SCAPER: variants seen among roughly 807,000 people sequenced by gnomAD.
The protein encoded by SCAPER is S phase cyclin A-associated protein in the endoplasmic reticulum.
A neutral mutation model predicts 182.2 loss-of-function variants in SCAPER; 98 were observed. The ratio of observed to expected loss-of-function variants is 0.54; its 90% confidence interval spans 0.46 to 0.64. The LOEUF (loss-of-function observed/expected upper bound fraction) is 0.64, where lower values mean the gene tolerates loss of function less well. Ranked by LOEUF, SCAPER falls within the 30% of genes least tolerant of loss-of-function variation. SCAPER has a pLI of 0.00. For synonymous variants in SCAPER, 605 were observed against 564.6 expected, an observed-to-expected ratio of 1.07 and a Z score of -1.01; for missense variants, 1,432 against 1,690.0, an observed-to-expected ratio of 0.85 and a Z score of 2.68.
chr15:76,677,135 A>C (rs1385551310), intron 20 of SCAPER, among the ~76,000 whole-genome samples: 1 of 152,158 alleles, frequency 6.6e-6, no homozygotes, highest in African/African-American at 2.4e-5. Context: ...CAAAATGTGA[A>C]TCACAATAAA....
At chr15:76,732,896 C>A (rs1221904182) in intron 16 of SCAPER, among the ~76,000 whole-genome samples, 1 of 152,210 alleles carries the variant, frequency 6.6e-6, no homozygotes. Flanking sequence ...TCTGCCTCAG[C>A]TGCCAGGCAG....
At chr15:76,732,535 C>T (rs962314233) in intron 16 of SCAPER, among the ~76,000 whole-genome samples, 7 of 151,192 alleles carry the variant, frequency 4.6e-5, no homozygotes, top group South Asian at 2.1e-4. Context: ...CTAGTGGTAA[C>T]GCCAGCGTCT....
chr15:76,428,462 TTGGAGGTTTGTTACAACATGGATGGACC>T, intron 26 of SCAPER, among the ~76,000 whole-genome samples: 1 of 152,272 alleles, frequency 6.6e-6, no homozygotes, highest in Non-Finnish European at 1.5e-5. Flanking sequence ...ATGGATGGAC[TTGGAGGTTTGTTACAACATGGATGGACC>T]TGGAGGTTTT....
At chr15:76,351,154 A>G in intron 31 of SCAPER, 83 bp downstream of exon 31, 1 of 1,189,400 alleles carries the variant, frequency 8.4e-7, no homozygotes, top group Non-Finnish European at 1.2e-6. Context: ...TTTACATATA[A>G]TGTAGCAGTT....
rs976681610 is a variant in SCAPER, at chr15:76,347,951, T to C, written c.*682A>G. On this transcript the variant is annotated 3_prime_UTR_variant, in exon 32 of 32. Coordinates refer to ENST00000563290, the MANE Select transcript of SCAPER (RefSeq NM_020843.4). Reference sequence around the variant, plus strand: ...TCAGCGTTGCTTCATTTCACAACCATGTGAGAAAATACTCTAGGGTGATTC... The same window carrying C: ...TCAGCGTTGCTTCATTTCACAACCACGTGAGAAAATACTCTAGGGTGATTC... 1 of 152,232 alleles carries C rather than the reference T, an allele frequency of 6.6e-6. No homozygotes were observed. Among genetic ancestry groups the C allele is most frequent in the Non-Finnish European group, 1.5e-5 (1 of 68,036 alleles). The allele number at this position is 152,232 out of a possible 1,614,324, so 9.4% of individuals were successfully genotyped here. A position where few individuals can be genotyped will look rare whatever the true frequency, so the allele number is the denominator to read the frequency against.
chr15:76,622,204 C>G (rs1236469272), intron 21 of SCAPER, among the ~76,000 whole-genome samples: 1 of 152,128 alleles, frequency 6.6e-6, no homozygotes, highest in African/African-American at 2.4e-5. Flanking sequence ...AGGTGACAGT[C>G]ATCAAGCTAG....
At chr15:76,533,106 C>G (rs542998046) in intron 23 of SCAPER, among the ~76,000 whole-genome samples, 5 of 152,070 alleles carry the variant, frequency 3.3e-5, no homozygotes, top group Non-Finnish European at 5.9e-5. Flanking sequence ...AAACAGTAAA[C>G]TGGGAAAAGA....
chr15:76,434,546 G>A (rs2047070100), intron 25 of SCAPER, among the ~76,000 whole-genome samples: 1 of 152,150 alleles, frequency 6.6e-6, no homozygotes, highest in Non-Finnish European at 1.5e-5. Flanking sequence ...CAAGGATAAT[G>A]AGAGTACCTG....
At chr15:76,493,983 A>C (rs2040253238) in intron 24 of SCAPER, among the ~76,000 whole-genome samples, 2 of 152,202 alleles carry the variant, frequency 1.3e-5, no homozygotes, top group African/African-American at 4.8e-5. Flanking sequence ...GTAAACTTTT[A>C]TCTAAAAATA....
chr15:76,820,032 CA>C (rs1488546173), intron 5 of SCAPER, among the ~76,000 whole-genome samples: 2 of 152,162 alleles, frequency 1.3e-5, no homozygotes, highest in African/African-American at 4.8e-5. Context: ...ATCAAAACCA[CA>C]ATGAGATACC....
intron 20 of SCAPER, among the ~76,000 whole-genome samples, chr15:76,698,628 C>A (rs2058773463): frequency 6.6e-6 from 1 of 152,110 alleles, no homozygotes; most frequent in Admixed American, 6.6e-5. Flanking sequence ...CAGACAGTAC[C>A]AGTCTTAGTG....
At chr15:76,838,869 C>A (rs2069186494) in intron 5 of SCAPER, among the ~76,000 whole-genome samples, 1 of 152,168 alleles carries the variant, frequency 6.6e-6, no homozygotes. Context: ...ACAAATTTCA[C>A]AACCAACTCT....
intron 20 of SCAPER, among the ~76,000 whole-genome samples, chr15:76,684,594 G>A (rs2057919965): frequency 6.6e-6 from 1 of 151,318 alleles, no homozygotes; most frequent in South Asian, 2.1e-4. Flanking sequence ...ACTAAGAAAG[G>A]GCTATAACTA....
intron 25 of SCAPER, among the ~76,000 whole-genome samples, chr15:76,452,450 C>T (rs1390626079): frequency 6.6e-6 from 1 of 152,218 alleles, no homozygotes; most frequent in African/African-American, 2.4e-5. Flanking sequence ...AAAGTATACA[C>T]TGAATAGCTG....
intron 24 of SCAPER, among the ~76,000 whole-genome samples, chr15:76,486,182 G>A (rs554009295): frequency 6.6e-6 from 1 of 152,166 alleles, no homozygotes; most frequent in South Asian, 2.1e-4. Flanking sequence ...ACTCCAGCCT[G>A]GGCGACAGAG....
At chr15:76,757,580 G>A (rs973016813) in intron 14 of SCAPER, among the ~76,000 whole-genome samples, 1 of 151,988 alleles carries the variant, frequency 6.6e-6, no homozygotes, top group Non-Finnish European at 1.5e-5. Flanking sequence ...GGGTGCACAG[G>A]TATCTCTTTT....
intron 26 of SCAPER, among the ~76,000 whole-genome samples, chr15:76,418,548 G>A (rs747897956): frequency 1.3e-5 from 2 of 152,230 alleles, no homozygotes; most frequent in Non-Finnish European, 2.9e-5. Context: ...AGACCCACTG[G>A]TAGACTATGT....
chr15:76,439,131 G>A (rs1470280954), intron 25 of SCAPER, among the ~76,000 whole-genome samples: 2 of 151,822 alleles, frequency 1.3e-5, no homozygotes, highest in African/African-American at 4.8e-5. Context: ...TGTCACCCAG[G>A]CTAGTGTGCA....
At chr15:76,485,439 C>T (rs2051537111) in intron 24 of SCAPER, among the ~76,000 whole-genome samples, 1 of 152,096 alleles carries the variant, frequency 6.6e-6, no homozygotes, top group African/African-American at 2.4e-5. Context: ...GACTCAATAT[C>T]GTTAAAATGG....
Sources: allele counts gnomAD v4.1 joint callset (sites outside exome capture counted in the v4.1 genomes callset), GRCh38; gene constraint gnomAD v4.1.1; transcripts MANE v1.5; gene names NCBI Gene and HGNC (gene_info 2026-07-23, HGNC 2026-07-21).